Variants in PLCL1 observed in about 807,000 individuals in gnomAD.
The protein encoded by PLCL1 is phospholipase C like 1 (inactive), also known as inactive phospholipase C-like protein 1.
In PLCL1, 41 loss-of-function variants were observed where a neutral mutation model predicts 84.4. The observed-to-expected ratio is 0.49, with a 90% confidence interval of 0.38 to 0.63. PLCL1 has a LOEUF of 0.63. Ranked by LOEUF, PLCL1 falls within the 30% of genes least tolerant of loss-of-function variation. The probability of loss-of-function intolerance (pLI) is 0.00; values close to 1 mark genes in which losing one functional copy is unlikely to be tolerated. For missense variants in PLCL1, 1,206 were observed against 1,367.8 expected, an observed-to-expected ratio of 0.88 and a Z score of 1.87; for synonymous variants, 490 against 488.3, an observed-to-expected ratio of 1.00 and a Z score of -0.05.
chr2:197,993,894 C>T (rs564576379), intron 1 of PLCL1, among the ~76,000 whole-genome samples: 1 of 152,292 alleles, frequency 6.6e-6, no homozygotes, highest in South Asian at 2.1e-4. Context: ...CAAGATATAT[C>T]CAGCACATGA....
At chr2:197,893,800 A>C (rs1422911353) in intron 1 of PLCL1, among the ~76,000 whole-genome samples, 1 of 151,978 alleles carries the variant, frequency 6.6e-6, no homozygotes, top group African/African-American at 2.4e-5. Context: ...AGAAGGCTTG[A>C]CTTAGAGTGG....
chr2:197,939,757 C>A (rs1689121488), intron 1 of PLCL1, among the ~76,000 whole-genome samples: 1 of 137,314 alleles, frequency 7.3e-6, no homozygotes, highest in South Asian at 2.3e-4. Context: ...AGGGGACACA[C>A]AATTCAACTT....
intron 1 of PLCL1, among the ~76,000 whole-genome samples, chr2:197,934,392 T>C (rs961405549): frequency 6.6e-6 from 1 of 152,194 alleles, no homozygotes; most frequent in Non-Finnish European, 1.5e-5. Context: ...AGAGTGTTTA[T>C]CAGTGCTGAG....
chr2:198,014,835 A>G (rs1237986672), intron 1 of PLCL1, among the ~76,000 whole-genome samples: 2 of 152,108 alleles, frequency 1.3e-5, no homozygotes, highest in South Asian at 2.1e-4. Context: ...GGGGGTGTAC[A>G]GAAGTGTTCT....
chr2:197,949,444 G>A (rs1042401474), intron 1 of PLCL1, among the ~76,000 whole-genome samples: 4 of 152,018 alleles, frequency 2.6e-5, no homozygotes, highest in Non-Finnish European at 5.9e-5. Context: ...TGTGTAATGG[G>A]GTAAAAAGTT....
chr2:197,864,567 A>G (rs1687493425), intron 1 of PLCL1, among the ~76,000 whole-genome samples: 1 of 150,338 alleles, frequency 6.7e-6, no homozygotes, highest in Non-Finnish European at 1.5e-5. Flanking sequence ...TGTACCCTCG[A>G]TCTCCTGGGC....
At chr2:197,843,255 C>T (rs1286231537) in intron 1 of PLCL1, among the ~76,000 whole-genome samples, 4 of 152,200 alleles carry the variant, frequency 2.6e-5, no homozygotes, top group Non-Finnish European at 5.9e-5. Context: ...ATGGAAGGAC[C>T]ATGCATTAGT....
chr2:197,903,235 A>C (rs1448339440), intron 1 of PLCL1, among the ~76,000 whole-genome samples: 1 of 152,114 alleles, frequency 6.6e-6, no homozygotes, highest in Admixed American at 6.6e-5. Context: ...ACTACTTACC[A>C]CTAGCTACTG....
chr2:197,814,906 G>A (rs190368091), intron 1 of PLCL1, among the ~76,000 whole-genome samples: 12 of 152,268 alleles, frequency 7.9e-5, no homozygotes, highest in African/African-American at 2.2e-4. Context: ...TGATAGGGGC[G>A]AGGAAGCTGT....
intron 1 of PLCL1, among the ~76,000 whole-genome samples, chr2:197,839,448 A>G (rs1691254708): frequency 6.6e-6 from 1 of 152,196 alleles, no homozygotes; most frequent in African/African-American, 2.4e-5. Context: ...TAGGTCCCTC[A>G]CATGTGCAGT....
intron 1 of PLCL1, among the ~76,000 whole-genome samples, chr2:198,013,154 G>T (rs899201364): frequency 2.6e-5 from 4 of 152,038 alleles, no homozygotes; most frequent in Non-Finnish European, 5.9e-5. Context: ...CTTTGCACTT[G>T]CCTGGGGTGC....
chr2:197,925,771 C>T (rs995150214), intron 1 of PLCL1, among the ~76,000 whole-genome samples: 1 of 142,738 alleles, frequency 7.0e-6, no homozygotes, highest in African/African-American at 2.5e-5. Context: ...CTCCTCTACA[C>T]CAGAGCCTCC....
chr2:197,925,474 G>A (rs1245400532), intron 1 of PLCL1, among the ~76,000 whole-genome samples: 3 of 152,134 alleles, frequency 2.0e-5, no homozygotes, highest in Non-Finnish European at 2.9e-5. Context: ...TATTATTTGG[G>A]AATGAACTTT....
chr2:197,959,180 A>G lies in PLCL1; in HGVS notation c.241-124578A>G, dbSNP rs112701947. 7.9e-5 allele frequency among the ~76,000 whole-genome samples: 12 copies of G among 152,166 alleles called. 1 individual carries two copies. Among genetic ancestry groups the G allele is most frequent in the African/African-American group, 2.9e-4 (12 of 41,542 alleles). On this transcript the variant is annotated intron_variant, in intron 1 of 5. Transcript: ENST00000428675. ...GATATGTGTATATACAGATATAGAG[A>G]GAAAGAGATTTATTATTAAGAATTG...
intron 1 of PLCL1, among the ~76,000 whole-genome samples, chr2:198,074,159 C>T (rs1246157594): frequency 5.3e-5 from 8 of 152,034 alleles, no homozygotes; most frequent in Non-Finnish European, 1.5e-5. Context: ...GGAGTTTTGT[C>T]CTTACCAAAT....
At chr2:197,928,736 T>A (rs184448241) in intron 1 of PLCL1, among the ~76,000 whole-genome samples, 1 of 152,326 alleles carries the variant, frequency 6.6e-6, no homozygotes, top group Admixed American at 6.5e-5. Flanking sequence ...TCACCTTTGC[T>A]TAGTTCCAAG....
intron 1 of PLCL1, among the ~76,000 whole-genome samples, chr2:197,948,151 C>A (rs1347380774): frequency 6.6e-6 from 1 of 152,006 alleles, no homozygotes; most frequent in Admixed American, 6.6e-5. Context: ...GGGGGTAGAA[C>A]AGAAAGGATT....
At chr2:198,035,356 CA>C (rs1278467478) in intron 1 of PLCL1, among the ~76,000 whole-genome samples, 11 of 152,310 alleles carry the variant, frequency 7.2e-5, no homozygotes, top group African/African-American at 2.6e-4. Context: ...TAGCAATTAG[CA>C]TAAGTAGTAC....
chr2:197,916,748 G>A (rs1688607538), intron 1 of PLCL1, among the ~76,000 whole-genome samples: 1 of 151,796 alleles, frequency 6.6e-6, no homozygotes, highest in South Asian at 2.1e-4. Flanking sequence ...CCGGTGCCCA[G>A]CAAAATGATG....
Sources: allele counts gnomAD v4.1 joint callset (sites outside exome capture counted in the v4.1 genomes callset), GRCh38; gene constraint gnomAD v4.1.1; transcripts MANE v1.5; gene names NCBI Gene and HGNC (gene_info 2026-07-23, HGNC 2026-07-21).